PIK3CD: variants seen among roughly 807,000 people sequenced by gnomAD.
PIK3CD encodes phosphatidylinositol-4,5-bisphosphate 3-kinase catalytic subunit delta.
Under a neutral mutation model 122.9 loss-of-function variants are expected in PIK3CD, and 20 were observed. The observed-to-expected ratio is 0.16, with a 90% CI of 0.11 to 0.24. The LOEUF (loss-of-function observed/expected upper bound fraction) is 0.24. Among genes scored for constraint, PIK3CD ranks in the 10% least tolerant of loss-of-function variants. PIK3CD has a pLI of 1.00. For synonymous variants in PIK3CD, 596 were observed against 593.4 expected (o/e 1.00, Z -0.06); for missense variants, 787 against 1,406.3 (o/e 0.56, Z 7.04).
the PIK3CD span, among the ~76,000 whole-genome samples, chr1:9,643,229 C>T: frequency 2.0e-5 from 3 of 151,758 alleles, no homozygotes; most frequent in South Asian, 2.1e-4. Context: ...GTCAACATGG[C>T]GAAAACCCAT....
intron 3 of PIK3CD, among the ~76,000 whole-genome samples, chr1:9,711,722 G>A (rs1030125444): frequency 4.6e-5 from 7 of 150,728 alleles, no homozygotes; most frequent in South Asian, 4.2e-4. Context: ...CTACAGGCAC[G>A]TGCCATCAAG....
chr1:9,708,149 G>A (rs1245088440), intron 2 of PIK3CD, among the ~76,000 whole-genome samples: 1 of 151,936 alleles, frequency 6.6e-6, no homozygotes, highest in African/African-American at 2.4e-5. Flanking sequence ...GGTCGCAGAA[G>A]ACTCCGTGTG....
chr1:9,694,169 T>G (rs922214366), intron 2 of PIK3CD, among the ~76,000 whole-genome samples: 11 of 152,226 alleles, frequency 7.2e-5, no homozygotes, highest in Non-Finnish European at 2.9e-5. Flanking sequence ...GGAGGACTTC[T>G]GTCTGACCAG....
the PIK3CD span, among the ~76,000 whole-genome samples, chr1:9,640,296 C>G: frequency 6.6e-6 from 1 of 151,998 alleles, no homozygotes; most frequent in South Asian, 2.1e-4. Context: ...AACCAAGATC[C>G]AAGCCAGGCA....
the PIK3CD span, among the ~76,000 whole-genome samples, chr1:9,633,440 TG>T: frequency 6.6e-6 from 1 of 152,176 alleles, no homozygotes; most frequent in African/African-American, 2.4e-5. Flanking sequence ...CCCTAGTAGC[TG>T]GGATTACAGG....
intron 2 of PIK3CD, among the ~76,000 whole-genome samples, chr1:9,698,910 AG>A (rs1646519568): frequency 6.6e-6 from 1 of 152,046 alleles, no homozygotes; most frequent in Non-Finnish European, 1.5e-5. Context: ...TGCGGAGGCC[AG>A]GTATGGTGGC....
chr1:9,656,152 TG>T (rs1644850433), intron 1 of PIK3CD, among the ~76,000 whole-genome samples: 1 of 151,220 alleles, frequency 6.6e-6, no homozygotes. Context: ...AGGAGTAGGG[TG>T]GGGGAGGAGG....
At chr1:9,690,872 T>C (rs1038248169) in intron 1 of PIK3CD, among the ~76,000 whole-genome samples, 4 of 152,184 alleles carry the variant, frequency 2.6e-5, no homozygotes, top group African/African-American at 9.7e-5. Flanking sequence ...GTTGGGTCTT[T>C]AGACTGGGCT....
intron 1 of PIK3CD, among the ~76,000 whole-genome samples, chr1:9,686,756 C>T (rs1645980405): frequency 1.3e-5 from 2 of 152,188 alleles, no homozygotes; most frequent in African/African-American, 4.8e-5. Context: ...GAGCTGTGAA[C>T]AAAGAATCAG....
At chr1:9,707,800 GT>G (rs111811970) in intron 2 of PIK3CD, among the ~76,000 whole-genome samples, 34,862 of 142,708 alleles carry the variant, frequency 0.24, 6,552 homozygotes, top group African/African-American at 0.53. Context: ...TTATAATTTT[GT>G]TTTTTTTTTT....
rs1162797476 is a variant in PIK3CD at position 9,720,721 on chromosome 1, A to G, written c.1522-21A>G. 1.3e-5 allele frequency: 21 copies of G among 1,606,080 alleles called. No individual in the cohort carries two copies. Among genetic ancestry groups the G allele is most frequent in the Non-Finnish European group, 1.8e-5 (21 of 1,177,692 alleles). ...GAGCCGGCGTGGAACCAGAGCCCTC[A>G]CTCCTGCCCACACCCCTCAGCAGCT... On this transcript the variant is annotated intron_variant, in intron 12 of 23. Coordinates refer to ENST00000377346, the MANE Select transcript of PIK3CD (RefSeq NM_005026.5). The surrounding 1 kb of genome is among the most constrained non-coding windows in gnomAD (Gnocchi z 9.0).
At chr1:9,636,985 C>T in the PIK3CD span, among the ~76,000 whole-genome samples, 247 of 152,160 alleles carry the variant, frequency 1.6e-3, no homozygotes, top group Non-Finnish European at 2.7e-3. Context: ...GCAAGCTCCA[C>T]CTCCCAGGTT....
At chr1:9,681,562 G>C (rs979498835) in intron 1 of PIK3CD, among the ~76,000 whole-genome samples, 1 of 152,162 alleles carries the variant, frequency 6.6e-6, no homozygotes, top group Non-Finnish European at 1.5e-5. Flanking sequence ...CTACAGGCGT[G>C]CGCCACTAGT....
At chr1:9,669,450 T>C (rs1645258090) in intron 1 of PIK3CD, among the ~76,000 whole-genome samples, 1 of 152,110 alleles carries the variant, frequency 6.6e-6, no homozygotes, top group African/African-American at 2.4e-5. Flanking sequence ...CCCAAGACGA[T>C]TGGGTTACAG....
rs192535346 is a variant in PIK3CD at position 9,697,647 on chromosome 1, C to T, written c.-33+6076C>T. On this transcript the variant is annotated intron_variant, in intron 2 of 23. Coordinates refer to ENST00000377346, the MANE Select transcript of PIK3CD (RefSeq NM_005026.5). ...ACTGGGGAGGCTGAGGTGAGAGGAT[C>T]ACTTGAGCTCAGGAGTTCAAGGCTG... is the stretch of plus-strand genomic sequence containing the variant. Among the ~76,000 whole-genome samples, 355 of 147,956 alleles carry T rather than the reference C, an allele frequency of 2.4e-3. No homozygotes were observed. The Middle Eastern group carries it at 0.026, about 11-fold the overall frequency.
chr1:9,632,340 G>A, the PIK3CD span, among the ~76,000 whole-genome samples: 1 of 152,060 alleles, frequency 6.6e-6, no homozygotes, highest in East Asian at 1.9e-4. Context: ...AAGACAGAGG[G>A]TCTCAACTAT....
intron 1 of PIK3CD, chr1:9,653,728 C>A (rs1014674344): frequency 1.7e-6 from 2 of 1,162,726 alleles, no homozygotes; most frequent in Non-Finnish European, 2.4e-6. Flanking sequence ...CTTTGGCTCT[C>A]TCTAGAGCAG....
rs905948891 is a variant in PIK3CD at position 9,727,268 on chromosome 1, C to T, written c.*222C>T. 1.5e-5 allele frequency: 9 copies of T among 584,948 alleles called. No individual in the cohort carries two copies. Among genetic ancestry groups the T allele is most frequent in the East Asian group, 3.0e-5 (1 of 33,738 alleles). 36.2% of individuals were successfully genotyped at this position (584,948 alleles called of 1,614,324 possible). A position where few individuals can be genotyped will look rare whatever the true frequency, so the allele number is the denominator to read the frequency against. ...TCCTTCATGCAGCGGCGGTGCTGGG[C>T]CCCCCGAGGCTGCACCTGGCTCTCG... On this transcript the variant is annotated 3_prime_UTR_variant, in exon 24 of 24. Coordinates refer to ENST00000377346, the MANE Select transcript of PIK3CD (RefSeq NM_005026.5).
chr1:9,657,133 A>G (rs1341366775), intron 1 of PIK3CD, among the ~76,000 whole-genome samples: 2 of 152,006 alleles, frequency 1.3e-5, no homozygotes, highest in Admixed American at 6.6e-5. Context: ...CCGTCTTCAC[A>G]AGGGCATCTC....
Sources: allele counts gnomAD v4.1 joint callset (sites outside exome capture counted in the v4.1 genomes callset), GRCh38; gene constraint gnomAD v4.1.1; non-coding constraint Gnocchi (gnomAD v3.1); transcripts MANE v1.5; gene names NCBI Gene and HGNC (gene_info 2026-07-23, HGNC 2026-07-21).